TNNI1: variants seen among roughly 807,000 people sequenced by gnomAD.
The protein encoded by TNNI1 is troponin I1, slow skeletal type, also known as troponin I, slow skeletal muscle.
A neutral mutation model predicts 26.7 loss-of-function variants in TNNI1; 14 were observed. The ratio of observed to expected loss-of-function variants is 0.52; its 90% CI spans 0.35 to 0.82. The LOEUF is 0.82. TNNI1 is among the 40% of genes least tolerant of loss of function. The probability of loss-of-function intolerance (pLI) is 0.01; values close to 1 mark genes in which losing one functional copy is unlikely to be tolerated. For synonymous variants in TNNI1, 79 were observed against 98.2 expected (o/e 0.80, Z 1.16); for missense variants, 164 against 257.0 (o/e 0.64, Z 2.47).
Position 201,410,353 on chromosome 1 carries a change from G to A in TNNI1, c.539C>T (p.Ala180Val). ...GMEGRKKMFD[A>V]AKSPTSQ ...CTATTGTGAGGTCGGAGACTTGGCG[G>A]CATCAAACATCTTCTTCCGGCCTTC... is the stretch of plus-strand genomic sequence containing the variant. Residue 180 changes from alanine to valine, a missense_variant, in exon 8 of 9, where the codon GCC becomes GTC. By Grantham distance (64) the Ala-to-Val change is moderately conservative (BLOSUM62 0). This residue lies in a region of TNNI1 where 43 missense variants were observed against 74.3 expected (regional missense o/e 0.58). Transcript: ENST00000361379. 4 of 1,614,120 alleles carry A rather than the reference G, an allele frequency of 2.5e-6. No individual in the cohort carries two copies. Among genetic ancestry groups the A allele is most frequent in the Non-Finnish European group, 2.5e-6 (3 of 1,180,008 alleles).
intron 2 of TNNI1, 81 bp from the exon 3 acceptor site, chr1:201,417,200 C>T (rs551772143): frequency 1.1e-4 from 182 of 1,590,400 alleles, no homozygotes; most frequent in South Asian, 2.2e-4. Context: ...CATGTGCAGT[C>T]GCAGAACCTC....
chr1:201,411,250 C>G lies in TNNI1; in HGVS notation c.456+107G>C. On this transcript the variant is annotated intron_variant, in intron 7 of 8. Transcript: ENST00000361379. This position sits in a 1 kb window ranked among gnomAD's most constrained non-coding sequence, Gnocchi z 4.6. ...TAGAATGTTCTGTCTGTCAAGCTGA[C>G]TGGTCTCCAACAGGAGCTCCTGGGC... The G allele has an allele frequency of 8.6e-7, 1 of 1,164,270 alleles. No individual in the cohort carries two copies. The highest frequency in any genetic ancestry group is 1.2e-6 in the Non-Finnish European group (1 of 805,514). 72.1% of individuals were successfully genotyped at this position (1,164,270 alleles called of 1,614,324 possible). A position where few individuals can be genotyped will look rare whatever the true frequency, so the allele number is the denominator to read the frequency against.
intron 3 of TNNI1, among the ~76,000 whole-genome samples, chr1:201,415,955 T>G (rs1662730790): frequency 6.6e-6 from 1 of 152,214 alleles, no homozygotes; most frequent in Non-Finnish European, 1.5e-5. Flanking sequence ...GAGACTGTGA[T>G]GCCTTTCGAG....
intron 5 of TNNI1, 114 bp from the exon 6 acceptor site, chr1:201,413,235 G>A (rs2102370915): frequency 2.7e-6 from 3 of 1,119,708 alleles, no homozygotes; most frequent in South Asian, 1.3e-5. Flanking sequence ...CCAGAGAGGA[G>A]CTGACAGTCT....
At chr1:201,420,491 T>G (rs1248609535) in intron 1 of TNNI1, among the ~76,000 whole-genome samples, 1 of 152,020 alleles carries the variant, frequency 6.6e-6, no homozygotes, top group Admixed American at 6.5e-5. Flanking sequence ...TTCCCTTCCT[T>G]GAGGCTTTGC....
Position 201,411,570 on chromosome 1 carries a change from C to A in TNNI1, c.280-37G>T. 6.6e-7 allele frequency: 1 copy of A among 1,509,064 alleles called. No individual in the cohort carries two copies. The highest frequency in any genetic ancestry group is 1.3e-5 in the South Asian group (1 of 75,742). 93.5% of individuals were successfully genotyped at this position (1,509,064 alleles called of 1,614,324 possible). A position where few individuals can be genotyped will look rare whatever the true frequency, so the allele number is the denominator to read the frequency against. On this transcript the variant is annotated intron_variant, in intron 6 of 8. Transcript: ENST00000361379. This position sits in a 1 kb window ranked among gnomAD's most constrained non-coding sequence, Gnocchi z 4.6. Reference sequence around the variant, plus strand: ...AAGCGCCCGGGGCTCACTGGAGAGGCAGCTAGCCACAGGACACCCTTCCTG... The same window carrying A: ...AAGCGCCCGGGGCTCACTGGAGAGGAAGCTAGCCACAGGACACCCTTCCTG...
intron 1 of TNNI1, among the ~76,000 whole-genome samples, chr1:201,420,853 G>A (rs1662844201): frequency 6.6e-6 from 1 of 152,158 alleles, no homozygotes; most frequent in South Asian, 2.1e-4. Context: ...CAAACCTGGT[G>A]GCAGGTGCTG....
At position 201,414,587 on chromosome 1, in the gene TNNI1, C is replaced by T; in HGVS notation, c.120G>A (p.Glu40=). The change falls in exon 5 of 9, where the codon GAG becomes GAA. Residue 40 remains glutamate (E), a synonymous_variant. Transcript: ENST00000361379. ...WEQEHEEREA[E]KVRYLAERIP... is the part of the protein sequence containing the mutation. The stretch of plus-strand genomic sequence containing the variant: ...TGCGCTCTGCCAGGTAGCGCACCTT[C>T]TCAGCCTCGCGCTCCTCGTGCTCCT... 6.2e-7 allele frequency: 1 copy of T among 1,613,918 alleles called. No homozygotes were observed. Among genetic ancestry groups the T allele is most frequent in the Non-Finnish European group, 8.5e-7 (1 of 1,180,006 alleles).
At position 201,417,829 on chromosome 1, in the gene TNNI1, A is replaced by T; in HGVS notation, c.-19-17T>A. 7.6e-7 allele frequency: 1 copy of T among 1,312,532 alleles called. No homozygotes were observed. The highest frequency in any genetic ancestry group is 3.2e-5 in the South Asian group (1 of 31,386). The allele number at this position is 1,312,532 out of a possible 1,614,324, so 81.3% of individuals were successfully genotyped here. On this transcript the variant is annotated splice_polypyrimidine_tract_variant and intron_variant, in intron 1 of 8. Coordinates refer to ENST00000361379, the MANE Select transcript of TNNI1 (RefSeq NM_003281.4). ...AGACAGCACCTAGGGGGCACAGAGG[A>T]ATCATTCATAAGGGAAAGTGGAAAC... is the stretch of plus-strand genomic sequence containing the variant.
At chr1:201,416,918 G>A (rs1363791813) in intron 3 of TNNI1, among the ~76,000 whole-genome samples, 198 bp downstream of exon 3, 2 of 152,080 alleles carry the variant, frequency 1.3e-5, no homozygotes, top group Non-Finnish European at 2.9e-5. Flanking sequence ...CTGGACACTA[G>A]GAAGCCCCAC....
intron 1 of TNNI1, among the ~76,000 whole-genome samples, chr1:201,418,289 T>G (rs1662791259): frequency 6.6e-6 from 1 of 151,724 alleles, no homozygotes; most frequent in Non-Finnish European, 1.5e-5. Flanking sequence ...GCCAATATGG[T>G]CAAACCCCGT....
Position 201,410,420 on chromosome 1 carries a change from C to A in TNNI1, c.472G>T (p.Val158Leu), listed in dbSNP as rs200482688. The A allele has an allele frequency of 6.2e-7, 1 of 1,614,200 alleles. No homozygotes were observed. The highest frequency in any genetic ancestry group is 1.3e-5 in the African/African-American group (1 of 75,052). The change falls in exon 8 of 9, where the codon GTG (valine) becomes TTG (leucine). Residue 158 changes from valine (V) to leucine (L), a missense_variant. Physicochemically the swap from Val to Leu is conservative, Grantham distance 32 (BLOSUM62 1). Coordinates refer to ENST00000361379, the MANE Select transcript of TNNI1 (RefSeq NM_003281.4). ...EDTEKERPVE[V>L]GDWRKNVEAM... ...TCCACGTTCTTCCTCCAGTCACCCACCTCCACAGGCCGCTCCTGTAGACAA... is the reference window on the plus strand; with the variant it reads ...TCCACGTTCTTCCTCCAGTCACCCAACTCCACAGGCCGCTCCTGTAGACAA...
intron 1 of TNNI1, among the ~76,000 whole-genome samples, chr1:201,418,258 A>C (rs529562957): frequency 1.8e-4 from 27 of 151,974 alleles, no homozygotes; most frequent in South Asian, 6.2e-4. Context: ...TTCATGAGGT[A>C]AGGAGTTCAA....
chr1:201,415,759 T>G (rs560896670), intron 3 of TNNI1, among the ~76,000 whole-genome samples: 2 of 152,358 alleles, frequency 1.3e-5, no homozygotes, highest in East Asian at 1.9e-4. Context: ...AACGTATCTA[T>G]GTAGACCTCA....
intron 6 of TNNI1, among the ~76,000 whole-genome samples, chr1:201,412,133 C>T (rs1251682293): frequency 1.3e-5 from 2 of 152,186 alleles, no homozygotes; most frequent in East Asian, 1.9e-4. Flanking sequence ...ATAAAAGGGG[C>T]GGCTCCACCA....
Position 201,407,536 on chromosome 1 carries a change from C to G in TNNI1, c.*1717G>C, listed in dbSNP as rs1320075279. 6.6e-6 allele frequency: 1 copy of G among 152,250 alleles called. No individual in the cohort carries two copies. Among genetic ancestry groups the G allele is most frequent in the African/African-American group, 2.4e-5 (1 of 41,454 alleles). 9.4% of individuals were successfully genotyped at this position (152,250 alleles called of 1,614,324 possible). The stretch of plus-strand genomic sequence containing the variant: ...GCCCTGGGGAGCAGCTGGCACTGCA[C>G]TTTGTACCAATTTCTGGCACTTATG... On this transcript the variant is annotated 3_prime_UTR_variant, in exon 9 of 9. Transcript: ENST00000361379.
In TNNI1 at chr1:201,414,734, G is replaced by A. The variant is rs553765484; in HGVS notation, c.58-85C>T. On this transcript the variant is annotated intron_variant, in intron 4 of 8. Coordinates refer to ENST00000361379, the MANE Select transcript of TNNI1 (RefSeq NM_003281.4). ...TGAGGGGAGGGCAGCCACAGCCTGG[G>A]CCAACTCTGAGACCACTGTCCAGTG... 60 of 1,566,530 alleles carry A rather than the reference G, an allele frequency of 3.8e-5. 1 individual carries two copies. The Admixed American group carries it at 1.0e-3, about 27-fold the overall frequency.
At chr1:201,415,288 G>A in intron 3 of TNNI1, 34 bp from the exon 4 acceptor site, 1 of 1,611,728 alleles carries the variant, frequency 6.2e-7, no homozygotes, top group Non-Finnish European at 8.5e-7. Flanking sequence ...CAGGTGGTGA[G>A]GCAGAGGCTG....
intron 1 of TNNI1, among the ~76,000 whole-genome samples, chr1:201,420,251 A>G (rs562571951): frequency 2.0e-5 from 3 of 152,350 alleles, no homozygotes; most frequent in Admixed American, 2.0e-4. Flanking sequence ...GTCCCACGTC[A>G]GGCAAGAGGC....
Sources: allele counts gnomAD v4.1 joint callset (sites outside exome capture counted in the v4.1 genomes callset), GRCh38; gene constraint gnomAD v4.1.1; regional missense constraint gnomAD v4.1.1; non-coding constraint Gnocchi (gnomAD v3.1); transcripts MANE v1.5; gene names NCBI Gene and HGNC (gene_info 2026-07-23, HGNC 2026-07-21).